The following KIF16B variants were observed in gnomAD, a reference collection of about 807,000 sequenced individuals.
KIF16B encodes the protein kinesin family member 16B.
KIF16B carries 98 observed loss-of-function variants against 156.3 expected under a neutral mutation model. The ratio of observed to expected loss-of-function variants is 0.63; its 90% CI spans 0.53 to 0.74. The LOEUF is 0.74. Ranked by LOEUF, KIF16B falls within the 30% of genes least tolerant of loss-of-function variation. The probability of loss-of-function intolerance (pLI) is 0.00; values close to 1 mark genes in which losing one functional copy is unlikely to be tolerated. For missense variants in KIF16B, 1,421 were observed against 1,606.5 expected (o/e 0.88, Z 1.97); for synonymous variants, 564 against 583.7 (o/e 0.97, Z 0.49).
At chr20:16,342,132 T>C (rs2064150657) in intron 23 of KIF16B, among the ~76,000 whole-genome samples, 1 of 152,078 alleles carries the variant, frequency 6.6e-6, no homozygotes, top group South Asian at 2.1e-4. Context: ...TTCCATCCCC[T>C]CCATGATCCC....
intron 5 of KIF16B, among the ~76,000 whole-genome samples, chr20:16,511,787 T>C (rs1481567136): frequency 1.3e-5 from 2 of 152,146 alleles, no homozygotes; most frequent in Non-Finnish European, 2.9e-5. Flanking sequence ...GCTATAATGT[T>C]GACGAGAAAA....
intron 12 of KIF16B, among the ~76,000 whole-genome samples, chr20:16,487,869 G>A (rs1466557988): frequency 2.6e-5 from 4 of 152,124 alleles, no homozygotes; most frequent in African/African-American, 7.2e-5. Context: ...ATTCAAATAT[G>A]CTCCATCCTC....
intron 12 of KIF16B, among the ~76,000 whole-genome samples, chr20:16,486,332 C>A (rs2068114022): frequency 1.3e-5 from 2 of 152,152 alleles, no homozygotes; most frequent in South Asian, 4.2e-4. Context: ...GAAAGAAATT[C>A]TATTATGGGG....
At chr20:16,562,953 G>C (rs191353063) in intron 1 of KIF16B, among the ~76,000 whole-genome samples, 34 of 152,316 alleles carry the variant, frequency 2.2e-4, no homozygotes, top group Admixed American at 1.9e-3. Flanking sequence ...AGAATTCCTA[G>C]CAAGTGAATG....
chr20:16,494,220 A>T (rs1600538237), intron 12 of KIF16B, 71 bp downstream of exon 12: 6 of 144,336 alleles, frequency 4.2e-5, no homozygotes, highest in Non-Finnish European at 6.9e-5. Context: ...TTTGGAGATT[A>T]AAAAAAAAAA....
At position 16,272,871 on chromosome 20, in the gene KIF16B, AGGGTGGTCTGGTAAGCCACCCACTTT is replaced by A. The variant is rs1482706246; in HGVS notation, c.*356_*381del. 6.0e-6 allele frequency: 1 copy of A among 167,628 alleles called. No individual in the cohort carries two copies. The highest frequency in any genetic ancestry group is 2.4e-5 in the African/African-American group (1 of 42,156). The allele number at this position is 167,628 out of a possible 1,614,324, so 10.4% of individuals were successfully genotyped here. On this transcript the variant is annotated 3_prime_UTR_variant, in exon 26 of 26. Coordinates refer to ENST00000354981, the MANE Select transcript of KIF16B (RefSeq NM_024704.5). ...GAGGAAACCAGATGAAAGTCATTTA[AGGGTGGTCTGGTAAGCCACCCACTTT>A]GGGAGGTCCCAGGCTGGCTGGGCTC...
chr20:16,429,962 C>A lies in KIF16B; in HGVS notation c.1323G>T (p.Arg441Ser). Residue 441 changes from arginine (R) to serine (S), a missense_variant, in exon 13 of 26, where the codon AGG becomes AGT. Physicochemically the swap from Arg to Ser is moderately radical, Grantham distance 110. Coordinates refer to ENST00000354981, the MANE Select transcript of KIF16B (RefSeq NM_024704.5). ...NILKEQTLAL[R>S]KEGIGVVLDS... ...CCAAAACAACTCCAATCCCTTCTTTCCTGAGGGCTAGAGTTTGTTCCTGAA... is the reference window on the plus strand; with the variant it reads ...CCAAAACAACTCCAATCCCTTCTTTACTGAGGGCTAGAGTTTGTTCCTGAA... The A allele has an allele frequency of 6.2e-7, 1 of 1,611,826 alleles. No individual in the cohort carries two copies. The highest frequency in any genetic ancestry group is 8.5e-7 in the Non-Finnish European group (1 of 1,179,112).
chr20:16,561,436 G>A (rs2071058695), intron 1 of KIF16B, among the ~76,000 whole-genome samples: 1 of 151,958 alleles, frequency 6.6e-6, no homozygotes, highest in African/African-American at 2.4e-5. Context: ...CAAATAATAT[G>A]ACAAATCCTT....
At chr20:16,547,861 A>AC in intron 1 of KIF16B, among the ~76,000 whole-genome samples, 1 of 152,094 alleles carries the variant, frequency 6.6e-6, no homozygotes, top group South Asian at 2.1e-4. Flanking sequence ...CCCAGCAGGG[A>AC]CCCCCAACCC....
rs2063153179 is a variant in KIF16B at position 16,282,007 on chromosome 20, C to A, written c.3796-8596G>T. ...CACCAGTGTTGGGCTAGGTGCTGGG[C>A]ATTCTTTTTTTTCTTTTTCTGTTTC... On this transcript the variant is annotated intron_variant, in intron 25 of 25. Transcript: ENST00000354981. 2.0e-5 allele frequency among the ~76,000 whole-genome samples: 3 copies of A among 150,748 alleles called. No individual in the cohort carries two copies. The South Asian group carries it at 6.3e-4, about 32-fold the overall frequency.
chr20:16,353,223 A>G (rs2064374684), intron 23 of KIF16B, among the ~76,000 whole-genome samples: 1 of 152,222 alleles, frequency 6.6e-6, no homozygotes, highest in South Asian at 2.1e-4. Context: ...GTAGTAGCCA[A>G]AATATTACCA....
intron 12 of KIF16B, among the ~76,000 whole-genome samples, chr20:16,435,420 T>C (rs923429026): frequency 3.9e-5 from 6 of 152,196 alleles, no homozygotes; most frequent in African/African-American, 1.4e-4. Flanking sequence ...AGCAGATAAT[T>C]TGGTTTTATG....
chr20:16,327,979 T>C (rs1568853999), intron 24 of KIF16B, among the ~76,000 whole-genome samples: 1 of 152,202 alleles, frequency 6.6e-6, no homozygotes, highest in Non-Finnish European at 1.5e-5. Flanking sequence ...AAAACTGTTA[T>C]AATGCATTTG....
intron 25 of KIF16B, among the ~76,000 whole-genome samples, chr20:16,310,754 A>T (rs1271218431): frequency 6.6e-6 from 1 of 152,174 alleles, no homozygotes; most frequent in African/African-American, 2.4e-5. Context: ...TTTTCCTTGA[A>T]CACAAATTCT....
chr20:16,387,020 A>G (rs2065245884), intron 17 of KIF16B, among the ~76,000 whole-genome samples: 1 of 152,184 alleles, frequency 6.6e-6, no homozygotes, highest in South Asian at 2.1e-4. Flanking sequence ...GACAGGAAGA[A>G]GAAGAAAAGG....
intron 17 of KIF16B, among the ~76,000 whole-genome samples, chr20:16,395,557 A>C (rs56085833): frequency 0.17 from 26,098 of 152,124 alleles, 2,483 homozygotes; most frequent in African/African-American, 0.26. Flanking sequence ...TAGTTCTTTC[A>C]AGCTTTACAT....
intron 12 of KIF16B, among the ~76,000 whole-genome samples, chr20:16,487,422 G>A (rs1430303226): frequency 6.6e-6 from 1 of 152,086 alleles, no homozygotes; most frequent in Non-Finnish European, 1.5e-5. Context: ...CTACAAGCCT[G>A]CTGAGCAACA....
chr20:16,398,831 T>C (rs952631322), intron 17 of KIF16B, among the ~76,000 whole-genome samples: 1 of 152,038 alleles, frequency 6.6e-6, no homozygotes, highest in African/African-American at 2.4e-5. Flanking sequence ...CACAGGGACC[T>C]GGGCAAGGGA....
chr20:16,464,614 T>G (rs1444964611), intron 12 of KIF16B, among the ~76,000 whole-genome samples: 1 of 152,190 alleles, frequency 6.6e-6, no homozygotes, highest in African/African-American at 2.4e-5. Flanking sequence ...TACACAGTTT[T>G]GCAAAATTCC....
Sources: allele counts gnomAD v4.1 joint callset (sites outside exome capture counted in the v4.1 genomes callset), GRCh38; gene constraint gnomAD v4.1.1; transcripts MANE v1.5; gene names NCBI Gene and HGNC (gene_info 2026-07-23, HGNC 2026-07-21).